SLC13A5: variants seen among roughly 807,000 people sequenced by gnomAD.
The protein encoded by SLC13A5 is solute carrier family 13 member 5, also known as Na(+)/citrate cotransporter.
In SLC13A5, 25 loss-of-function variants were observed where a neutral mutation model predicts 56.5. The ratio of observed to expected loss-of-function variants is 0.44; its 90% CI spans 0.32 to 0.62. SLC13A5 has a LOEUF of 0.62. Among genes scored for constraint, SLC13A5 ranks in the 20% least tolerant of loss-of-function variants. SLC13A5 has a pLI of 0.04. For missense variants in SLC13A5, 649 were observed against 737.8 expected, an observed-to-expected ratio of 0.88 and a Z score of 1.39; for synonymous variants, 307 against 301.5, an observed-to-expected ratio of 1.02 and a Z score of -0.19.
intron 1 of SLC13A5, 54 bp from the exon 2 acceptor site, chr17:6,707,210 C>G: frequency 6.2e-7 from 1 of 1,603,952 alleles, no homozygotes. Flanking sequence ...CTCCCCACCC[C>G]CAGAACACTC....
chr17:6,710,702 A>T (rs186717227), intron 1 of SLC13A5, among the ~76,000 whole-genome samples: 2 of 152,222 alleles, frequency 1.3e-5, no homozygotes, highest in East Asian at 3.9e-4. Context: ...GAAAAGTTCA[A>T]CATTAACAAG....
At chr17:6,699,488 T>C (rs898964097) in intron 6 of SLC13A5, among the ~76,000 whole-genome samples, 3 of 152,234 alleles carry the variant, frequency 2.0e-5, no homozygotes, top group African/African-American at 7.2e-5. Context: ...TTTTTTGTTT[T>C]GAGACAGAGT....
intron 7 of SLC13A5, chr17:6,695,277 C>G (rs763067655): frequency 6.2e-6 from 1 of 161,884 alleles, no homozygotes; most frequent in Non-Finnish European, 1.3e-5. Context: ...TGAAACCCAG[C>G]TCCCAAAAGA....
chr17:6,711,618 G>A lies in SLC13A5; in HGVS notation c.102+1614C>T, dbSNP rs1316881403. Among the ~76,000 whole-genome samples the A allele has an allele frequency of 6.6e-6, 1 of 150,420 alleles. No individual in the cohort carries two copies. Among genetic ancestry groups the A allele is most frequent in the Admixed American group, 6.6e-5 (1 of 15,120 alleles). On this transcript the variant is annotated intron_variant, in intron 1 of 11. Coordinates refer to ENST00000433363, the MANE Select transcript of SLC13A5 (RefSeq NM_177550.5). This position sits in a 1 kb window ranked among gnomAD's most constrained non-coding sequence, Gnocchi z 4.0. Reference sequence around the variant, plus strand: ...TGTGTGTTTGTGCGTGTGTTTTTGTGTGTGTTTGTGTTTGTGCGTGTGTTT... The same window carrying A: ...TGTGTGTTTGTGCGTGTGTTTTTGTATGTGTTTGTGTTTGTGCGTGTGTTT...
At chr17:6,706,536 T>C (rs919524254) in intron 3 of SLC13A5, 106 bp downstream of exon 3, 11 of 1,471,102 alleles carry the variant, frequency 7.5e-6, no homozygotes, top group African/African-American at 5.6e-5. Flanking sequence ...GGTAAGCCCA[T>C]GGCCAGCCCT....
intron 3 of SLC13A5, chr17:6,704,264 T>A: frequency 1.4e-6 from 1 of 690,498 alleles, no homozygotes; most frequent in East Asian, 2.8e-5. Context: ...CCTCTCTCCC[T>A]CCTGCCTCTC....
At chr17:6,694,745 T>G (rs1042607726) in intron 7 of SLC13A5, among the ~76,000 whole-genome samples, 2 of 152,318 alleles carry the variant, frequency 1.3e-5, no homozygotes, top group East Asian at 3.9e-4. Context: ...TCTCCATAAG[T>G]GTATTTCAGG....
chr17:6,692,984 G>GA lies in SLC13A5; in HGVS notation c.1275+59dup. On this transcript the variant is annotated intron_variant, in intron 9 of 11. Transcript: ENST00000433363. The surrounding 1 kb of genome is among the most constrained non-coding windows in gnomAD (Gnocchi z 5.5). ...ACAAGCCCAGGGATGGAAGGGTGGAGAAACGCCACCCTCTTGACGAAGAAG... is the reference window on the plus strand; with the variant it reads ...ACAAGCCCAGGGATGGAAGGGTGGAGAAAACGCCACCCTCTTGACGAAGAAG... 4 of 1,331,198 alleles carry GA rather than the reference G, an allele frequency of 3.0e-6. No homozygotes were observed. The allele number at this position is 1,331,198 out of a possible 1,614,324, so 82.5% of individuals were successfully genotyped here. A position where few individuals can be genotyped will look rare whatever the true frequency, so the allele number is the denominator to read the frequency against.
chr17:6,697,230 C>T (rs2151488616), intron 6 of SLC13A5, among the ~76,000 whole-genome samples: 1 of 152,280 alleles, frequency 6.6e-6, no homozygotes, highest in Non-Finnish European at 1.5e-5. Flanking sequence ...CAACTGTCGT[C>T]CTAGAGACCC....
chr17:6,686,249 A>G lies in SLC13A5; in HGVS notation c.1665T>C (p.Asp555=). ...TCACATTAGCCCAGTCAGGGAAATG[A>G]TCCAAGTCAAATATGGCCCGTCCCC... ...NTWGRAIFDL[D]HFPDWANVTH... is the part of the protein sequence containing the mutation. Residue 555 remains aspartate (D), a synonymous_variant, in exon 12 of 12, where the codon GAT becomes GAC. Transcript: ENST00000433363. The G allele has an allele frequency of 6.2e-7, 1 of 1,614,100 alleles. No individual in the cohort carries two copies. The highest frequency in any genetic ancestry group is 8.5e-7 in the Non-Finnish European group (1 of 1,180,020).
In SLC13A5 at chr17:6,687,755, G is replaced by T; in HGVS notation, c.1438-89C>A. The T allele has an allele frequency of 6.9e-7, 1 of 1,446,912 alleles. No individual in the cohort carries two copies. The allele number at this position is 1,446,912 out of a possible 1,614,324, so 89.6% of individuals were successfully genotyped here. ...TGAAAAGGATTCTCTGAATGTGCCG[G>T]GTACGTTTGAACCTCTGTGCCTCAG... On this transcript the variant is annotated intron_variant, in intron 10 of 11. Coordinates refer to ENST00000433363, the MANE Select transcript of SLC13A5 (RefSeq NM_177550.5). The surrounding 1 kb of genome is among the most constrained non-coding windows in gnomAD (Gnocchi z 5.0).
chr17:6,702,300 C>T (rs1044793835), intron 5 of SLC13A5, among the ~76,000 whole-genome samples: 1 of 152,212 alleles, frequency 6.6e-6, no homozygotes, highest in Non-Finnish European at 1.5e-5. Flanking sequence ...CCACCCTCAA[C>T]AGACCATGAC....
rs770168586 is a variant in SLC13A5, at chr17:6,685,397, C to T, written c.*810G>A. ...ACCTGCCTGGGAGAAAAGGGGGACC[C>T]CAGAGGGTGCCAGCCAAGGCGTCTC... On this transcript the variant is annotated 3_prime_UTR_variant, in exon 12 of 12. Coordinates refer to ENST00000433363, the MANE Select transcript of SLC13A5 (RefSeq NM_177550.5). The surrounding 1 kb of genome is among the most constrained non-coding windows in gnomAD (Gnocchi z 4.2). 2.6e-5 allele frequency: 4 copies of T among 152,194 alleles called. No individual in the cohort carries two copies. The highest frequency in any genetic ancestry group is 4.4e-5 in the Non-Finnish European group (3 of 68,054). The allele number at this position is 152,194 out of a possible 1,614,324, so 9.4% of individuals were successfully genotyped here.
At position 6,686,101 on chromosome 17, in the gene SLC13A5, T is replaced by G; in HGVS notation, c.*106A>C. ...GGGTTTTGGTGGTGTGTGGACATCGTTGGGTCATTTTGGGGTGTGAACCCC... is the reference window on the plus strand; with the variant it reads ...GGGTTTTGGTGGTGTGTGGACATCGGTGGGTCATTTTGGGGTGTGAACCCC... On this transcript the variant is annotated 3_prime_UTR_variant, in exon 12 of 12. Coordinates refer to ENST00000433363, the MANE Select transcript of SLC13A5 (RefSeq NM_177550.5). 1 of 1,510,928 alleles carries G rather than the reference T, an allele frequency of 6.6e-7. No homozygotes were observed. The highest frequency in any genetic ancestry group is 9.0e-7 in the Non-Finnish European group (1 of 1,111,944). The allele number at this position is 1,510,928 out of a possible 1,614,324, so 93.6% of individuals were successfully genotyped here. A position where few individuals can be genotyped will look rare whatever the true frequency, so the allele number is the denominator to read the frequency against.
chr17:6,703,569 G>A (rs1973776671), intron 4 of SLC13A5, among the ~76,000 whole-genome samples: 1 of 152,198 alleles, frequency 6.6e-6, no homozygotes, highest in Admixed American at 6.5e-5. Context: ...GGAGTAGCAA[G>A]GAGTGAGGGG....
At chr17:6,690,074 A>AC (rs1973360131) in intron 10 of SLC13A5, 1 of 109,698 alleles carries the variant, frequency 9.1e-6, no homozygotes. Context: ...AAAAAAAAAA[A>AC]AAAAAAAAAA....
At chr17:6,691,403 C>T (rs558801252) in intron 9 of SLC13A5, among the ~76,000 whole-genome samples, 28 of 152,304 alleles carry the variant, frequency 1.8e-4, no homozygotes, top group African/African-American at 6.7e-4. Flanking sequence ...ACATCCATCT[C>T]CTCCTCTTCA....
rs202208840 is a variant in SLC13A5 at position 6,686,286 on chromosome 17, G to T, written c.1628C>A (p.Ala543Asp). Residue 543 changes from alanine to aspartate, a missense_variant, in exon 12 of 12, where the codon GCT (alanine) becomes GAT (aspartate). Transcript: ENST00000433363. ...NIIGVFCVFL[A>D]VNTWGRAIFD... is the part of the protein sequence containing the mutation. ...TATGGCCCGTCCCCAGGTGTTGACA[G>T]CCAAAAACACACAGAAGACTCCAAT... 8.1e-6 allele frequency: 13 copies of T among 1,614,066 alleles called. No individual in the cohort carries two copies. Among genetic ancestry groups the T allele is most frequent in the Admixed American group, 3.3e-5 (2 of 60,004 alleles).
Position 6,687,801 on chromosome 17 carries a change from G to T in SLC13A5, c.1438-135C>A. The stretch of plus-strand genomic sequence containing the variant: ...CTCAGTCTTGGTTCCTCTCCCTTTT[G>T]CCACGTCTCTGGCAGATAATTCCAC... On this transcript the variant is annotated intron_variant, in intron 10 of 11. Transcript: ENST00000433363. This position sits in a 1 kb window ranked among gnomAD's most constrained non-coding sequence, Gnocchi z 5.0. The T allele has an allele frequency of 8.9e-7, 1 of 1,128,302 alleles. No individual in the cohort carries two copies. Among genetic ancestry groups the T allele is most frequent in the Non-Finnish European group, 1.2e-6 (1 of 841,946 alleles). 69.9% of individuals were successfully genotyped at this position (1,128,302 alleles called of 1,614,324 possible). A position where few individuals can be genotyped will look rare whatever the true frequency, so the allele number is the denominator to read the frequency against.
Sources: allele counts gnomAD v4.1 joint callset (sites outside exome capture counted in the v4.1 genomes callset), GRCh38; gene constraint gnomAD v4.1.1; non-coding constraint Gnocchi (gnomAD v3.1); transcripts MANE v1.5; gene names NCBI Gene and HGNC (gene_info 2026-07-23, HGNC 2026-07-21).